The following DUSP3 variants were observed in gnomAD, a reference collection of about 807,000 sequenced individuals.
The protein encoded by DUSP3 is dual specificity protein phosphatase 3.
DUSP3 carries 7 observed loss-of-function variants against 15.5 expected under a neutral mutation model. The ratio of observed to expected loss-of-function variants is 0.45; its 90% CI spans 0.26 to 0.85. The LOEUF (loss-of-function observed/expected upper bound fraction) is 0.85, where lower values mean the gene tolerates loss of function less well. Ranked by LOEUF, DUSP3 falls within the 40% of genes least tolerant of loss-of-function variation. The probability of loss-of-function intolerance (pLI) is 0.18; values close to 1 mark genes in which losing one functional copy is unlikely to be tolerated. For missense variants in DUSP3, 209 were observed against 251.7 expected (o/e 0.83, Z 1.15); for synonymous variants, 86 against 104.2 (o/e 0.83, Z 1.07).
At position 43,774,804 on chromosome 17, in the gene DUSP3, C is replaced by G; in HGVS notation, c.260G>C (p.Gly87Ala). 1 of 1,614,162 alleles carries G rather than the reference C, an allele frequency of 6.2e-7. No homozygotes were observed. Among genetic ancestry groups the G allele is most frequent in the Non-Finnish European group, 8.5e-7 (1 of 1,180,016 alleles). Residue 87 changes from glycine (G) to alanine (A), a missense_variant, in exon 2 of 3, where the codon GGC becomes GCC. Coordinates refer to ENST00000226004, the MANE Select transcript of DUSP3 (RefSeq NM_004090.4). ...CTCCTGTGTGTCGTTGGCCTTGATGCCCAGGTATGTGATGCCGGAGTCCTT... is the reference window on the plus strand; with the variant it reads ...CTCCTGTGTGTCGTTGGCCTTGATGGCCAGGTATGTGATGCCGGAGTCCTT... ...FYKDSGITYL[G>A]IKANDTQEFN...
In DUSP3 at chr17:43,778,864, C is replaced by G; in HGVS notation, c.61G>C (p.Gly21Arg). 1 of 1,521,134 alleles carries G rather than the reference C, an allele frequency of 6.6e-7. No individual in the cohort carries two copies. Among genetic ancestry groups the G allele is most frequent in the African/African-American group, 1.4e-5 (1 of 69,622 alleles). The allele number at this position is 1,521,134 out of a possible 1,614,324, so 94.2% of individuals were successfully genotyped here. ...DLNDLLSDGS[G>R]CYSLPSQPCN... Reference sequence around the variant, plus strand: ...GGCTGGCTCGGGAGGCTGTAGCAGCCGCTGCCGTCCGAGAGCAGGTCGTTG... The same window carrying G: ...GGCTGGCTCGGGAGGCTGTAGCAGCGGCTGCCGTCCGAGAGCAGGTCGTTG... The change falls in exon 1 of 3, where the codon GGC becomes CGC. Residue 21 changes from glycine (G) to arginine (R), a missense_variant. Gly to Arg is a moderately radical substitution (Grantham distance 125). Transcript: ENST00000226004.
rs1324009404 is a variant in DUSP3, at chr17:43,778,809, A to G, written c.116T>C (p.Val39Ala). Residue 39 changes from valine (V) to alanine (A), a missense_variant, in exon 1 of 3, where the codon GTG becomes GCG. Coordinates refer to ENST00000226004, the MANE Select transcript of DUSP3 (RefSeq NM_004090.4). ...CGCGAAAGGGACTCACGCGTTGCCC[A>G]CGTAGATCCGCGGGGTGACCTCGTT... ...PCNEVTPRIY[V>A]GNASVAQDIP... 3 of 1,535,878 alleles carry G rather than the reference A, an allele frequency of 2.0e-6. No homozygotes were observed. Among genetic ancestry groups the G allele is most frequent in the Non-Finnish European group, 2.6e-6 (3 of 1,143,500 alleles).
intron 2 of DUSP3, among the ~76,000 whole-genome samples, chr17:43,770,852 G>A (rs1159191000): frequency 2.0e-5 from 3 of 151,314 alleles, no homozygotes; most frequent in Non-Finnish European, 2.9e-5. Flanking sequence ...TCCGCCTCCC[G>A]GGTTCAAGCA....
At chr17:43,776,602 T>G (rs888227023) in intron 1 of DUSP3, among the ~76,000 whole-genome samples, 12 of 152,222 alleles carry the variant, frequency 7.9e-5, no homozygotes, top group Non-Finnish European at 1.5e-4. Context: ...TCCTCCCTGT[T>G]GAGGAACCCC....
intron 1 of DUSP3, chr17:43,777,442 C>A (rs1974403323): frequency 2.2e-6 from 1 of 452,940 alleles, no homozygotes; most frequent in Non-Finnish European, 4.4e-6. Flanking sequence ...CTGATGGACC[C>A]CTTCTAGTTC....
intron 1 of DUSP3, among the ~76,000 whole-genome samples, chr17:43,776,153 T>C (rs1370121888): frequency 6.6e-6 from 1 of 152,182 alleles, no homozygotes; most frequent in Admixed American, 6.5e-5. Context: ...AAATAATAAT[T>C]GGTCTGAATG....
rs1974246135 is a variant in DUSP3, at chr17:43,766,745, G to A, written c.*2864C>T. ...ATGAGTCCCCTCATTTGTAGGTGGT[G>A]GTTTCTGGATAACTCAGAGTGGCAG... On this transcript the variant is annotated 3_prime_UTR_variant, in exon 3 of 3. Coordinates refer to ENST00000226004, the MANE Select transcript of DUSP3 (RefSeq NM_004090.4). The A allele has an allele frequency of 6.6e-6, 1 of 152,354 alleles. No homozygotes were observed. Among genetic ancestry groups the A allele is most frequent in the South Asian group, 2.1e-4 (1 of 4,832 alleles). 9.4% of individuals were successfully genotyped at this position (152,354 alleles called of 1,614,324 possible).
intron 2 of DUSP3, 101 bp downstream of exon 2, chr17:43,774,611 A>T (rs1017641544): frequency 7.0e-6 from 9 of 1,291,730 alleles, no homozygotes; most frequent in Non-Finnish European, 9.9e-6. Context: ...AAGATGGGAA[A>T]CAAGGGAGTT....
intron 1 of DUSP3, chr17:43,777,537 G>A (rs1214326219): frequency 6.6e-6 from 3 of 455,834 alleles, no homozygotes; most frequent in African/African-American, 6.0e-5. Context: ...ACATGAACAA[G>A]ACATTGACCC....
At position 43,769,512 on chromosome 17, in the gene DUSP3, G is replaced by A; in HGVS notation, c.*97C>T. On this transcript the variant is annotated 3_prime_UTR_variant, in exon 3 of 3. Coordinates refer to ENST00000226004, the MANE Select transcript of DUSP3 (RefSeq NM_004090.4). ...GTAGACAAGTGCCTTGTGATGCTGG[G>A]AGCAGGGTACAGTGTGTTTCCTAAA... 2.2e-6 allele frequency: 3 copies of A among 1,389,386 alleles called. No individual in the cohort carries two copies. Among genetic ancestry groups the A allele is most frequent in the Non-Finnish European group, 3.0e-6 (3 of 1,003,906 alleles). 86.1% of individuals were successfully genotyped at this position (1,389,386 alleles called of 1,614,324 possible).
At position 43,769,806 on chromosome 17, in the gene DUSP3, G is replaced by A. The variant is rs1387858027; in HGVS notation, c.361C>T (p.Leu121Phe). 1.2e-6 allele frequency: 2 copies of A among 1,614,086 alleles called. No individual in the cohort carries two copies. Among genetic ancestry groups the A allele is most frequent in the East Asian group, 2.2e-5 (1 of 44,872 alleles). Reference protein sequence around the residue: ...QALAQKNGRVLVHCREGYSRS... With the variant: ...QALAQKNGRVFVHCREGYSRS... ...CTATAACCTTCCCGGCAGTGGACGA[G>A]CACCCGGCCTGTAAGAAACAGGGGA... Residue 121 changes from leucine (L) to phenylalanine (F), a missense_variant, in exon 3 of 3, where the codon CTC (leucine) becomes TTC (phenylalanine). Coordinates refer to ENST00000226004, the MANE Select transcript of DUSP3 (RefSeq NM_004090.4).
At chr17:43,773,617 A>G (rs1974345537) in intron 2 of DUSP3, among the ~76,000 whole-genome samples, 1 of 152,134 alleles carries the variant, frequency 6.6e-6, no homozygotes. Context: ...AATCACGTGA[A>G]TCTCTAGCCA....
chr17:43,776,634 G>C (rs1974391130), intron 1 of DUSP3, among the ~76,000 whole-genome samples: 1 of 152,256 alleles, frequency 6.6e-6, no homozygotes, highest in African/African-American at 2.4e-5. Flanking sequence ...CCAAGTCAAG[G>C]TCAGAGGTGC....
intron 1 of DUSP3, among the ~76,000 whole-genome samples, chr17:43,776,142 A>C (rs1974385388): frequency 6.6e-6 from 1 of 152,204 alleles, no homozygotes; most frequent in Non-Finnish European, 1.5e-5. Context: ...AAATAAAATA[A>C]AAATAATAAT....
rs1974259972 is a variant in DUSP3 at position 43,767,839 on chromosome 17, G to A, written c.*1770C>T. On this transcript the variant is annotated 3_prime_UTR_variant, in exon 3 of 3. Transcript: ENST00000226004. ...GACAGCAAATGACCAGGCTGGGCAG[G>A]GCTGCTTCTGTGTGATCAGAGACCT... 1 of 152,226 alleles carries A rather than the reference G, an allele frequency of 6.6e-6. No homozygotes were observed. The highest frequency in any genetic ancestry group is 6.5e-5 in the Admixed American group (1 of 15,286). 9.4% of individuals were successfully genotyped at this position (152,226 alleles called of 1,614,324 possible).
At chr17:43,772,095 T>C (rs1802170119) in intron 2 of DUSP3, among the ~76,000 whole-genome samples, 1 of 151,246 alleles carries the variant, frequency 6.6e-6, no homozygotes, top group South Asian at 2.1e-4. Context: ...ATGTGCTCAA[T>C]AAATATTTGC....
chr17:43,778,724 A>G (rs1330897435), intron 1 of DUSP3, 76 bp downstream of exon 1: 8 of 1,397,982 alleles, frequency 5.7e-6, no homozygotes, highest in Non-Finnish European at 7.5e-6. Context: ...AAGACTCGCG[A>G]CACCCCGACC....
In DUSP3 at chr17:43,778,910, G is replaced by C. The variant is rs1172486016; in HGVS notation, c.15C>G (p.Phe5Leu). The C allele has an allele frequency of 2.0e-6, 3 of 1,473,104 alleles. No homozygotes were observed. The highest frequency in any genetic ancestry group is 3.0e-5 in the East Asian group (1 of 33,322). The allele number at this position is 1,473,104 out of a possible 1,614,324, so 91.3% of individuals were successfully genotyped here. ...CGTTGAGATCCTGCACCGAGAGCTC[G>C]AACGAGCCCGACATGGCGGCGGCGG... MSGS[F>L]ELSVQDLNDL... is the part of the protein sequence containing the mutation. Residue 5 changes from phenylalanine to leucine, a missense_variant, in exon 1 of 3, where the codon TTC becomes TTG. Physicochemically the swap from Phe to Leu is conservative, Grantham distance 22. Transcript: ENST00000226004.
intron 2 of DUSP3, chr17:43,773,981 C>A (rs1244358310): frequency 5.2e-6 from 1 of 193,860 alleles, no homozygotes. Context: ...TGCCTGTAAT[C>A]CCAGCTACTT....
Sources: allele counts gnomAD v4.1 joint callset (sites outside exome capture counted in the v4.1 genomes callset), GRCh38; gene constraint gnomAD v4.1.1; transcripts MANE v1.5; gene names NCBI Gene and HGNC (gene_info 2026-07-23, HGNC 2026-07-21).